Variants in APOBEC3D observed in about 807,000 individuals in gnomAD.
APOBEC3D encodes DNA dC->dU-editing enzyme APOBEC-3D.
Under a neutral mutation model 45.6 loss-of-function variants are expected in APOBEC3D, and 37 were observed. That is an observed-to-expected ratio of 0.81 (90% CI 0.62 to 1.07). APOBEC3D has a LOEUF of 1.07. Ranked by LOEUF, APOBEC3D falls within the 50% of genes least tolerant of loss-of-function variation. The pLI is 0.00. For missense variants in APOBEC3D, 496 were observed against 495.3 expected, an observed-to-expected ratio of 1.00 and a Z score of -0.01; for synonymous variants, 175 against 180.7, an observed-to-expected ratio of 0.97 and a Z score of 0.25.
At chr22:39,028,673 C>T (rs1925915158) in intron 4 of APOBEC3D, among the ~76,000 whole-genome samples, 1 of 152,210 alleles carries the variant, frequency 6.6e-6, no homozygotes, top group African/African-American at 2.4e-5. Flanking sequence ...CGGTGGCTCA[C>T]ACCGGTAATC....
rs1479217976 is a variant in APOBEC3D at position 39,023,115 on chromosome 22, T to TTATTTATTTATTTATTTATA, written c.210+118_210+119insATATATTTATTTATTTATTT. 4 of 878,950 alleles carry TTATTTATTTATTTATTTATA rather than the reference T, an allele frequency of 4.6e-6. 1 individual carries two copies. In the East Asian group the frequency reaches 1.7e-4, roughly 37 times the overall value. The allele number at this position is 878,950 out of a possible 1,614,324, so 54.4% of individuals were successfully genotyped here. A position where few individuals can be genotyped will look rare whatever the true frequency, so the allele number is the denominator to read the frequency against. On this transcript the variant is annotated intron_variant, in intron 2 of 6. Transcript: ENST00000216099. ...ACATTTATTTATTTTTTCTATTTAT[T>TTATTTATTTATTTATTTATA]TATTTATTTATTTATTTTGAGACAG...
chr22:39,027,898 C>CG (rs1368750992), intron 4 of APOBEC3D, among the ~76,000 whole-genome samples: 3 of 152,226 alleles, frequency 2.0e-5, no homozygotes, highest in Non-Finnish European at 4.4e-5. Context: ...GAGTCATGCC[C>CG]GGGCTGGTGC....
chr22:39,031,787 TG>T lies in APOBEC3D; in HGVS notation c.858del (p.Trp286CysfsTer25), dbSNP rs919240127. On this transcript the variant is annotated frameshift_variant, in exon 6 of 7. Transcript: ENST00000216099. LOFTEE classifies it high-confidence loss of function. ...LSPNTNYEVT[W>X]YTSWSPCPEC... ...TCCTAACACAAACTACGAGGTCACCTGGTACACATCTTGGAGCCCTTGCCCA... is the reference window on the plus strand; with the variant it reads ...TCCTAACACAAACTACGAGGTCACCTGTACACATCTTGGAGCCCTTGCCCA... 6.2e-7 allele frequency: 1 copy of T among 1,613,944 alleles called. No individual in the cohort carries two copies. The highest frequency in any genetic ancestry group is 1.3e-5 in the African/African-American group (1 of 74,904).
rs4821856 is a variant in APOBEC3D at position 39,029,932 on chromosome 22, G to T, written c.762+413G>T. Among the ~76,000 whole-genome samples, 1,328 of 151,962 alleles carry T rather than the reference G, an allele frequency of 8.7e-3. 21 individuals carry two copies. Among genetic ancestry groups the T allele is most frequent in the African/African-American group, 0.03 (1,246 of 41,430 alleles). ...AACTTCCTCCCACATTTTTTAAGTC[G>T]GTGGCCCAGATCTTCCTCCCTAACT... On this transcript the variant is annotated intron_variant, in intron 5 of 6. Transcript: ENST00000216099.
intron 4 of APOBEC3D, among the ~76,000 whole-genome samples, chr22:39,028,090 A>G (rs148544147): frequency 0.054 from 8,243 of 152,032 alleles, 713 homozygotes; most frequent in African/African-American, 0.19. Context: ...GTGGGGGAGG[A>G]AATGGTCTCT....
In APOBEC3D at chr22:39,027,028, C is replaced by A. The variant is rs141483442; in HGVS notation, c.605+1357C>A. ...GGAGGCTTGAGATGCTAGGAGCTCTCCAGGAAGCACAACAGAAAAGGGCAA... is the reference window on the plus strand; with the variant it reads ...GGAGGCTTGAGATGCTAGGAGCTCTACAGGAAGCACAACAGAAAAGGGCAA... On this transcript the variant is annotated intron_variant, in intron 4 of 6. Coordinates refer to ENST00000216099, the MANE Select transcript of APOBEC3D (RefSeq NM_152426.4). Among the ~76,000 whole-genome samples, 730 of 152,134 alleles carry A rather than the reference C, an allele frequency of 4.8e-3. 13 individuals are homozygous for A. The highest frequency in any genetic ancestry group is 0.039 in the Admixed American group (595 of 15,274).
intron 5 of APOBEC3D, among the ~76,000 whole-genome samples, chr22:39,030,910 G>T (rs1467887116): frequency 6.6e-6 from 1 of 152,230 alleles, no homozygotes; most frequent in Admixed American, 6.5e-5. Context: ...GCTCACGCCT[G>T]CAATCCCAAC....
chr22:39,028,636 T>C (rs1028160285), intron 4 of APOBEC3D, among the ~76,000 whole-genome samples: 1 of 152,154 alleles, frequency 6.6e-6, no homozygotes, highest in African/African-American at 2.4e-5. Context: ...TGATCTCTAC[T>C]AAAAATACAA....
intron 4 of APOBEC3D, among the ~76,000 whole-genome samples, chr22:39,026,646 G>A (rs193025580): frequency 6.6e-6 from 1 of 152,264 alleles, no homozygotes; most frequent in African/African-American, 2.4e-5. Flanking sequence ...CACCTAGCTG[G>A]GCCTCCGGCT....
chr22:39,025,818 C>A, intron 4 of APOBEC3D, 147 bp downstream of exon 4: 2 of 1,484,714 alleles, frequency 1.3e-6, no homozygotes, highest in South Asian at 1.3e-5. Flanking sequence ...ACTCCTCATG[C>A]TCCCTCCACC....
chr22:39,023,405 C>T (rs1373646769), intron 2 of APOBEC3D, among the ~76,000 whole-genome samples: 18 of 150,474 alleles, frequency 1.2e-4, no homozygotes, highest in African/African-American at 2.4e-4. Flanking sequence ...CATAAGCCAC[C>T]GTGCCTGGCC....
intron 2 of APOBEC3D, among the ~76,000 whole-genome samples, 157 bp from the exon 3 acceptor site, chr22:39,024,913 C>T (rs1373065372): frequency 6.6e-6 from 1 of 152,088 alleles, no homozygotes; most frequent in East Asian, 1.9e-4. Context: ...CAGCTTGGAG[C>T]AGACAATCAC....
intron 5 of APOBEC3D, 61 bp downstream of exon 5, chr22:39,029,580 C>T (rs1196740238): frequency 1.3e-6 from 2 of 1,597,262 alleles, no homozygotes; most frequent in African/African-American, 2.7e-5. Flanking sequence ...ACGCAGAAAA[C>T]ACAATACGTG....
intron 4 of APOBEC3D, among the ~76,000 whole-genome samples, chr22:39,027,301 C>A (rs1385952036): frequency 6.6e-6 from 1 of 152,036 alleles, no homozygotes; most frequent in African/African-American, 2.4e-5. Context: ...GAGGGCACCC[C>A]CACCCACTAT....
Position 39,032,406 on chromosome 22 carries a change from T to C in APOBEC3D, c.*90T>C. ...CTCCATCCTGCACCAGCTGTGCTTT[T>C]GCCTGGTCATCCTGAGCCCCTCCTG... On this transcript the variant is annotated 3_prime_UTR_variant, in exon 7 of 7. Transcript: ENST00000216099. 1 of 1,557,006 alleles carries C rather than the reference T, an allele frequency of 6.4e-7. No homozygotes were observed. Among genetic ancestry groups the C allele is most frequent in the Non-Finnish European group, 8.7e-7 (1 of 1,154,658 alleles).
At position 39,031,786 on chromosome 22, in the gene APOBEC3D, C is replaced by T. The variant is rs1190118503; in HGVS notation, c.855C>T (p.Thr285=). ...CTCCTAACACAAACTACGAGGTCAC[C>T]TGGTACACATCTTGGAGCCCTTGCC... ...ILSPNTNYEV[T]WYTSWSPCPE... The change falls in exon 6 of 7, where the codon ACC becomes ACT. Residue 285 remains threonine, a synonymous_variant. Coordinates refer to ENST00000216099, the MANE Select transcript of APOBEC3D (RefSeq NM_152426.4). 1 of 1,614,052 alleles carries T rather than the reference C, an allele frequency of 6.2e-7. No homozygotes were observed. The highest frequency in any genetic ancestry group is 1.7e-5 in the Admixed American group (1 of 60,016).
chr22:39,023,680 C>T (rs1925350509), intron 2 of APOBEC3D, among the ~76,000 whole-genome samples: 1 of 152,034 alleles, frequency 6.6e-6, no homozygotes, highest in African/African-American at 2.4e-5. Flanking sequence ...ACCTCCTGAC[C>T]TCAGGTGATC....
chr22:39,032,392 A>T lies in APOBEC3D; in HGVS notation c.*76A>T. The T allele has an allele frequency of 6.4e-7, 1 of 1,573,346 alleles. No individual in the cohort carries two copies. Among genetic ancestry groups the T allele is most frequent in the South Asian group, 1.2e-5 (1 of 85,042 alleles). On this transcript the variant is annotated 3_prime_UTR_variant, in exon 7 of 7. Transcript: ENST00000216099. ...TGCACGGGCCTCCCCTCCATCCTGC[A>T]CCAGCTGTGCTTTTGCCTGGTCATC... is the stretch of plus-strand genomic sequence containing the variant.
Position 39,031,981 on chromosome 22 carries a change from G to A in APOBEC3D, c.1042+8G>A, listed in dbSNP as rs768819811. ...AGATCATGGGCTACAAAGGTGAGAC[G>A]TGGGGGGCTGAGGAGAGTGGGTGCG... is the stretch of plus-strand genomic sequence containing the variant. On this transcript the variant is annotated splice_region_variant and intron_variant, in intron 6 of 6. Coordinates refer to ENST00000216099, the MANE Select transcript of APOBEC3D (RefSeq NM_152426.4). 1.1e-5 allele frequency: 17 copies of A among 1,614,042 alleles called. No homozygotes were observed. Among genetic ancestry groups the A allele is most frequent in the Non-Finnish European group, 1.4e-5 (16 of 1,179,942 alleles).
Sources: allele counts gnomAD v4.1 joint callset (sites outside exome capture counted in the v4.1 genomes callset), GRCh38; gene constraint gnomAD v4.1.1; transcripts MANE v1.5; gene names NCBI Gene and HGNC (gene_info 2026-07-23, HGNC 2026-07-21).